Variants in TMEM132D observed in about 807,000 individuals in gnomAD.
TMEM132D encodes the protein transmembrane protein 132D.
TMEM132D carries 21 observed loss-of-function variants against 62.3 expected under a neutral mutation model. The ratio of observed to expected loss-of-function variants is 0.34; its 90% CI spans 0.24 to 0.49. TMEM132D has a LOEUF of 0.49. Among genes scored for constraint, TMEM132D ranks in the 20% least tolerant of loss-of-function variants. TMEM132D has a pLI of 0.99. For missense variants in TMEM132D, 1,346 were observed against 1,402.8 expected, an observed-to-expected ratio of 0.96 and a Z score of 0.65; for synonymous variants, 621 against 575.6, an observed-to-expected ratio of 1.08 and a Z score of -1.13.
At chr12:129,236,254 C>A (rs189862886) in intron 4 of TMEM132D, among the ~76,000 whole-genome samples, 224 of 151,816 alleles carry the variant, frequency 1.5e-3, no homozygotes, top group African/African-American at 5.1e-3. Context: ...CAGTGGCTCA[C>A]GCTTGTTATC....
At chr12:129,637,647 C>A (rs1879519194) in intron 2 of TMEM132D, among the ~76,000 whole-genome samples, 1 of 152,126 alleles carries the variant, frequency 6.6e-6, no homozygotes, top group Non-Finnish European at 1.5e-5. Context: ...CCTGCGGAGA[C>A]TGGGTAATTT....
intron 1 of TMEM132D, among the ~76,000 whole-genome samples, chr12:129,803,095 C>T (rs939653243): frequency 6.6e-6 from 1 of 151,230 alleles, no homozygotes; most frequent in Non-Finnish European, 1.5e-5. Context: ...TAATGGGAGA[C>T]TTTAACACCC....
chr12:129,198,722 G>A (rs1035886457), intron 5 of TMEM132D, among the ~76,000 whole-genome samples: 5 of 152,136 alleles, frequency 3.3e-5, no homozygotes, highest in South Asian at 2.1e-4. Flanking sequence ...ATCTCACAGT[G>A]TGGACAATAT....
At chr12:129,423,504 T>G (rs1440609578) in intron 3 of TMEM132D, among the ~76,000 whole-genome samples, 2 of 152,066 alleles carry the variant, frequency 1.3e-5, no homozygotes, top group African/African-American at 2.4e-5. Flanking sequence ...TTGTAGGGGA[T>G]GTAGGGGTTG....
intron 1 of TMEM132D, among the ~76,000 whole-genome samples, chr12:129,808,025 G>A (rs1872051003): frequency 6.6e-6 from 1 of 152,142 alleles, no homozygotes; most frequent in Non-Finnish European, 1.5e-5. Flanking sequence ...TCAGAGTAGG[G>A]TTGTCTTCTT....
intron 1 of TMEM132D, among the ~76,000 whole-genome samples, chr12:129,729,879 C>G (rs374020570): frequency 6.6e-6 from 1 of 152,286 alleles, no homozygotes; most frequent in African/African-American, 2.4e-5. Flanking sequence ...CATGGTCAAG[C>G]TATCATGACA....
chr12:129,453,194 C>T (rs537738324), intron 3 of TMEM132D, among the ~76,000 whole-genome samples: 26 of 152,304 alleles, frequency 1.7e-4, no homozygotes, highest in Non-Finnish European at 3.7e-4. Context: ...CTGCAGTCCA[C>T]GGAAAAATTG....
intron 5 of TMEM132D, among the ~76,000 whole-genome samples, chr12:129,191,086 C>G (rs1322682776): frequency 6.6e-6 from 1 of 152,200 alleles, no homozygotes; most frequent in Non-Finnish European, 1.5e-5. Context: ...GCTATTTCCT[C>G]TCCAAGGGAC....
At chr12:129,078,973 A>C (rs1370585899) in intron 7 of TMEM132D, among the ~76,000 whole-genome samples, 3 of 152,176 alleles carry the variant, frequency 2.0e-5, no homozygotes, top group Non-Finnish European at 4.4e-5. Context: ...CCCTCTCCCC[A>C]CACCCCACAC....
intron 1 of TMEM132D, among the ~76,000 whole-genome samples, chr12:129,796,006 T>C (rs1324753531): frequency 6.6e-6 from 1 of 152,128 alleles, no homozygotes; most frequent in East Asian, 1.9e-4. Context: ...TCTATTACTT[T>C]CTAATTACAT....
chr12:129,727,383 C>T (rs992094407), intron 1 of TMEM132D, among the ~76,000 whole-genome samples: 4 of 152,108 alleles, frequency 2.6e-5, no homozygotes, highest in Admixed American at 6.5e-5. Context: ...GTAAGGAGCC[C>T]GTTCCCAAGA....
intron 1 of TMEM132D, among the ~76,000 whole-genome samples, chr12:129,703,389 T>C (rs1394979969): frequency 1.3e-5 from 2 of 152,220 alleles, no homozygotes; most frequent in Non-Finnish European, 2.9e-5. Context: ...TATTAGTCAT[T>C]TTGCCTGGTA....
At chr12:129,092,303 C>CTTTT (rs3045890) in intron 5 of TMEM132D, among the ~76,000 whole-genome samples, 1,414 of 133,856 alleles carry the variant, frequency 0.011, 39 homozygotes, top group African/African-American at 0.036. Flanking sequence ...TCTCTCTTTC[C>CTTTT]TTTTTTTTTT....
chr12:129,733,530 C>A (rs1223967045), intron 1 of TMEM132D, among the ~76,000 whole-genome samples: 1 of 152,214 alleles, frequency 6.6e-6, no homozygotes, highest in Admixed American at 6.5e-5. Context: ...CCCCATCACA[C>A]TCTGCCAAGA....
intron 3 of TMEM132D, among the ~76,000 whole-genome samples, chr12:129,349,721 A>G (rs1179383720): frequency 6.6e-6 from 1 of 152,168 alleles, no homozygotes; most frequent in East Asian, 1.9e-4. Context: ...GAGTTTAAAT[A>G]TTTATTAGTA....
Position 129,770,040 on chromosome 12 carries a change from G to A in TMEM132D, c.80-69342C>T, listed in dbSNP as rs1045810069. 4.1e-4 allele frequency among the ~76,000 whole-genome samples: 62 copies of A among 151,570 alleles called. 1 individual carries two copies. The highest frequency in any genetic ancestry group is 2.7e-4 in the African/African-American group (11 of 41,286). On this transcript the variant is annotated intron_variant, in intron 1 of 8. Transcript: ENST00000422113. ...TTGATTTGTTGCTGAAGCTGGTCTC[G>A]AACTCCTGGGCTCAAGCAATCCTCC...
intron 1 of TMEM132D, among the ~76,000 whole-genome samples, chr12:129,881,169 T>C (rs1874580013): frequency 6.6e-6 from 1 of 152,054 alleles, no homozygotes; most frequent in East Asian, 1.9e-4. Context: ...TAATCCTAAA[T>C]GTATATGCAA....
intron 5 of TMEM132D, among the ~76,000 whole-genome samples, chr12:129,163,635 C>G (rs1286709578): frequency 6.6e-6 from 1 of 152,226 alleles, no homozygotes; most frequent in Non-Finnish European, 1.5e-5. Flanking sequence ...AGGCTTCCCT[C>G]TCTGCTATTG....
intron 5 of TMEM132D, among the ~76,000 whole-genome samples, chr12:129,101,306 T>C (rs1234156054): frequency 1.3e-5 from 2 of 152,206 alleles, no homozygotes; most frequent in Admixed American, 1.3e-4. Flanking sequence ...TCCTGTAGTA[T>C]AAACGCTCGT....
Sources: gnomAD v4.1 joint callset for allele counts (sites outside exome capture counted in the v4.1 genomes callset) on GRCh38, gnomAD v4.1.1 for gene constraint, MANE v1.5 for transcripts, NCBI Gene and HGNC (gene_info 2026-07-23, HGNC 2026-07-21) for gene names.